Variants in PTPRD observed in about 807,000 individuals in gnomAD.
PTPRD encodes receptor-type tyrosine-protein phosphatase delta.
PTPRD carries 34 observed loss-of-function variants against 214.5 expected under a neutral mutation model. That is an observed-to-expected ratio of 0.16 (90% confidence interval 0.12 to 0.21). The LOEUF is 0.21. Ranked by LOEUF, PTPRD falls within the 10% of genes least tolerant of loss-of-function variation. The pLI, the probability that PTPRD is intolerant of heterozygous loss-of-function variation, is 1.00. For synonymous variants in PTPRD, 1,128 were observed against 845.7 expected (o/e 1.33, Z -5.79); for missense variants, 2,545 against 2,398.7 (o/e 1.06, Z -1.27).
intron 10 of PTPRD, among the ~76,000 whole-genome samples, chr9:9,148,041 T>A (rs1364364383): frequency 1.3e-5 from 2 of 152,198 alleles, no homozygotes; most frequent in African/African-American, 4.8e-5. Flanking sequence ...TTTGAAAATA[T>A]AGGTTAATAC....
At chr9:9,487,404 G>C (rs2095694678) in intron 8 of PTPRD, among the ~76,000 whole-genome samples, 1 of 152,002 alleles carries the variant, frequency 6.6e-6, no homozygotes, top group Admixed American at 6.6e-5. Context: ...CCTTTTTTAT[G>C]GCTGCATAGT....
At chr9:8,769,436 T>A (rs985857647) in intron 11 of PTPRD, among the ~76,000 whole-genome samples, 2 of 152,198 alleles carry the variant, frequency 1.3e-5, no homozygotes, top group Non-Finnish European at 2.9e-5. Context: ...GCATCATCAA[T>A]CAATATTTAT....
chr9:10,015,547 T>C (rs1370904548), intron 4 of PTPRD, among the ~76,000 whole-genome samples: 1 of 152,164 alleles, frequency 6.6e-6, no homozygotes, highest in African/African-American at 2.4e-5. Flanking sequence ...GCAGTTAGTA[T>C]TTTATAGGAT....
At chr9:9,368,035 T>C (rs1313088817) in intron 9 of PTPRD, among the ~76,000 whole-genome samples, 1 of 151,724 alleles carries the variant, frequency 6.6e-6, no homozygotes, top group Admixed American at 6.6e-5. Flanking sequence ...AACATATTAT[T>C]CATCTTTATT....
chr9:9,329,286 G>C (rs115342120), intron 9 of PTPRD, among the ~76,000 whole-genome samples: 2,613 of 152,016 alleles, frequency 0.017, 74 homozygotes, highest in African/African-American at 0.061. Flanking sequence ...AAAAACCAAA[G>C]TCTTTATTTG....
intron 10 of PTPRD, among the ~76,000 whole-genome samples, chr9:9,034,273 C>A (rs1024582074): frequency 2.0e-5 from 3 of 152,132 alleles, no homozygotes; most frequent in African/African-American, 4.8e-5. Flanking sequence ...GCGTATCTGT[C>A]TCCAGGTTGG....
chr9:8,534,063 C>T (rs2076338381), intron 14 of PTPRD, among the ~76,000 whole-genome samples: 1 of 151,980 alleles, frequency 6.6e-6, no homozygotes, highest in Non-Finnish European at 1.5e-5. Context: ...ACTTTATTTT[C>T]ACAATCTTTA....
intron 7 of PTPRD, among the ~76,000 whole-genome samples, chr9:9,641,942 G>A (rs1412748879): frequency 6.6e-6 from 1 of 152,060 alleles, no homozygotes; most frequent in African/African-American, 2.4e-5. Context: ...AGTTAATCAT[G>A]CTGCTATAAA....
intron 43 of PTPRD, among the ~76,000 whole-genome samples, chr9:8,333,682 G>C (rs940198510): frequency 6.6e-6 from 1 of 152,084 alleles, no homozygotes; most frequent in Non-Finnish European, 1.5e-5. Flanking sequence ...CATAATGACA[G>C]AATCAAATTT....
intron 7 of PTPRD, among the ~76,000 whole-genome samples, chr9:9,609,137 A>G (rs1014135954): frequency 6.6e-6 from 1 of 152,154 alleles, no homozygotes; most frequent in East Asian, 1.9e-4. Flanking sequence ...TAATTTTTCT[A>G]TATTCTCGTA....
intron 7 of PTPRD, among the ~76,000 whole-genome samples, chr9:9,731,869 T>C (rs2098200356): frequency 6.6e-6 from 1 of 152,146 alleles, no homozygotes; most frequent in Admixed American, 6.6e-5. Flanking sequence ...ATGTGTTAGG[T>C]ATGCTGCAGT....
intron 11 of PTPRD, among the ~76,000 whole-genome samples, chr9:8,783,293 G>C (rs1011456450): frequency 2.0e-5 from 3 of 152,168 alleles, no homozygotes; most frequent in African/African-American, 4.8e-5. Flanking sequence ...CAATGTTGGA[G>C]TTATTAATTT....
Position 8,315,457 on chromosome 9 carries a change from T to TAA in PTPRD, c.*2415_*2416dup, listed in dbSNP as rs1452629945. Reference sequence around the variant, plus strand: ...CAATGTCTGTCTGACCCCCTTTGTTTAACTAAAAGAAAATTATAGCACTGA... The same window carrying TAA: ...CAATGTCTGTCTGACCCCCTTTGTTTAAAACTAAAAGAAAATTATAGCACTGA... On this transcript the variant is annotated 3_prime_UTR_variant, in exon 46 of 46. Coordinates refer to ENST00000381196, the MANE Select transcript of PTPRD (RefSeq NM_002839.4). 5 of 232,048 alleles carry TAA rather than the reference T, an allele frequency of 2.2e-5. No individual in the cohort carries two copies. The highest frequency in any genetic ancestry group is 4.3e-5 in the Non-Finnish European group (5 of 117,104). 14.4% of individuals were successfully genotyped at this position (232,048 alleles called of 1,614,324 possible).
intron 2 of PTPRD, among the ~76,000 whole-genome samples, chr9:10,585,987 T>A (rs912171575): frequency 5.3e-5 from 8 of 151,922 alleles, no homozygotes; most frequent in African/African-American, 1.9e-4. Flanking sequence ...TAATACAGCG[T>A]GAGTACAAAG....
intron 30 of PTPRD, among the ~76,000 whole-genome samples, chr9:8,478,062 A>G (rs1361924045): frequency 6.6e-6 from 1 of 152,170 alleles, no homozygotes; most frequent in Non-Finnish European, 1.5e-5. Flanking sequence ...CTCTGTTCGT[A>G]TTAACCATTA....
At chr9:8,605,657 G>A (rs1282475998) in intron 14 of PTPRD, among the ~76,000 whole-genome samples, 2 of 152,180 alleles carry the variant, frequency 1.3e-5, no homozygotes, top group South Asian at 2.1e-4. Flanking sequence ...GAGGATGAAA[G>A]GAGAATGTAC....
intron 8 of PTPRD, among the ~76,000 whole-genome samples, chr9:9,425,604 G>C (rs879019630): frequency 1.3e-5 from 2 of 151,110 alleles, no homozygotes; most frequent in South Asian, 4.2e-4. Context: ...GTGGAAAGCA[G>C]CGTAAGATCA....
At chr9:10,244,885 T>C (rs1313346435) in intron 3 of PTPRD, among the ~76,000 whole-genome samples, 1 of 152,144 alleles carries the variant, frequency 6.6e-6, no homozygotes, top group East Asian at 1.9e-4. Context: ...GCATAATCTT[T>C]TGGACTCCAG....
intron 5 of PTPRD, among the ~76,000 whole-genome samples, chr9:9,770,843 A>G (rs1398831491): frequency 1.3e-5 from 2 of 152,174 alleles, no homozygotes; most frequent in Non-Finnish European, 2.9e-5. Flanking sequence ...GAGGAAGGGT[A>G]GGAGGTGAGG....
Sources: allele counts gnomAD v4.1 joint callset (sites outside exome capture counted in the v4.1 genomes callset), GRCh38; gene constraint gnomAD v4.1.1; transcripts MANE v1.5; gene names NCBI Gene and HGNC (gene_info 2026-07-23, HGNC 2026-07-21).